The following MSH4 variants were observed in gnomAD, a reference collection of about 807,000 sequenced individuals.
The protein encoded by MSH4 is mutS homolog 4.
In MSH4, 106 loss-of-function variants were observed where a neutral mutation model predicts 113.7. The observed-to-expected ratio is 0.93, with a 90% CI of 0.80 to 1.10. The LOEUF is 1.10. Among genes scored for constraint, MSH4 ranks in the 50% least tolerant of loss-of-function variants. The pLI, the probability that MSH4 is intolerant of heterozygous loss-of-function variation, is 0.00. For missense variants in MSH4, 1,061 were observed against 1,093.7 expected (o/e 0.97, Z 0.42); for synonymous variants, 368 against 380.2 (o/e 0.97, Z 0.37).
At chr1:75,887,970 G>T (rs1325268127) in intron 15 of MSH4, among the ~76,000 whole-genome samples, 6 of 150,900 alleles carry the variant, frequency 4.0e-5, no homozygotes, top group Non-Finnish European at 8.8e-5. Context: ...GAGTAGAATG[G>T]GGGAGATACA....
chr1:75,832,316 C>T (rs1650715614), intron 7 of MSH4, among the ~76,000 whole-genome samples: 1 of 152,150 alleles, frequency 6.6e-6, no homozygotes, highest in Non-Finnish European at 1.5e-5. Context: ...CCAAAAAAGT[C>T]CAGGACCATA....
intron 2 of MSH4, among the ~76,000 whole-genome samples, chr1:75,805,399 G>T (rs569657244): frequency 0.027 from 1,987 of 72,828 alleles, 12 homozygotes; most frequent in Non-Finnish European, 0.038. Flanking sequence ...TTTTTTTTTT[G>T]GTTTTTGAGA....
intron 7 of MSH4, among the ~76,000 whole-genome samples, chr1:75,845,118 C>T (rs1448785470): frequency 2.0e-5 from 3 of 152,260 alleles, no homozygotes; most frequent in Admixed American, 6.5e-5. Flanking sequence ...GGTCCCACCT[C>T]TCAACAAGGT....
chr1:75,854,011 G>GTATATATATATATATATA (rs72458089), intron 8 of MSH4, among the ~76,000 whole-genome samples: 1,739 of 111,956 alleles, frequency 0.016, 77 homozygotes, highest in African/African-American at 0.037. Context: ...AAGTGTGTGT[G>GTATATATATATATATATA]TGTATATATA....
rs545804236 is a variant in MSH4 at position 75,832,854 on chromosome 1, C to T, written c.1162+10273C>T. Among the ~76,000 whole-genome samples the T allele has an allele frequency of 2.0e-5, 3 of 152,254 alleles. No individual in the cohort carries two copies. The South Asian group carries it at 6.2e-4, about 32-fold the overall frequency. On this transcript the variant is annotated intron_variant, in intron 7 of 19. Transcript: ENST00000263187. ...ATACTGAATGGGCAAAAACTGGAAG[C>T]ATTCCCTTGAAACCTGGCACAAGAC...
In MSH4 at chr1:75,803,893, C is replaced by A; in HGVS notation, c.407C>A (p.Thr136Lys). 1.9e-6 allele frequency: 3 copies of A among 1,549,946 alleles called. No individual in the cohort carries two copies. Among genetic ancestry groups the A allele is most frequent in the Admixed American group, 2.0e-5 (1 of 48,782 alleles). The change falls in exon 2 of 20, where the codon ACA becomes AAA. Residue 136 changes from threonine (T) to lysine (K), a missense_variant. Physicochemically the swap from Thr to Lys is moderately conservative, Grantham distance 78 (BLOSUM62 -1). Transcript: ENST00000263187. ...NPQRSGYKSW[T>K]PQVGYSASSS... is the part of the protein sequence containing the mutation. ...CAGAGATCAGGTTATAAGAGCTGGA[C>A]ACCACAAGTGGGATATTCAGGTAAA... is the stretch of plus-strand genomic sequence containing the variant.
At chr1:75,872,620 G>C (rs1032915941) in intron 9 of MSH4, among the ~76,000 whole-genome samples, 2 of 152,060 alleles carry the variant, frequency 1.3e-5, no homozygotes, top group East Asian at 1.9e-4. Flanking sequence ...AAAAAAGAAA[G>C]AAAGAATGGA....
intron 9 of MSH4, among the ~76,000 whole-genome samples, chr1:75,875,397 A>G (rs776387305): frequency 1.3e-4 from 20 of 152,216 alleles, no homozygotes; most frequent in Non-Finnish European, 2.4e-4. Context: ...TGTTAAGCAA[A>G]ATAAAATTCC....
intron 7 of MSH4, among the ~76,000 whole-genome samples, chr1:75,845,613 G>T (rs955523763): frequency 2.0e-5 from 3 of 152,154 alleles, no homozygotes; most frequent in Non-Finnish European, 4.4e-5. Context: ...CAGCGTCAGG[G>T]CTTAGTCCAC....
chr1:75,876,332 G>A (rs961649255), intron 9 of MSH4, among the ~76,000 whole-genome samples: 1 of 151,900 alleles, frequency 6.6e-6, no homozygotes, highest in Admixed American at 6.6e-5. Flanking sequence ...GAATTTTTTA[G>A]TTTTTATCTG....
At chr1:75,798,866 C>T (rs540706324) in intron 1 of MSH4, among the ~76,000 whole-genome samples, 1 of 152,226 alleles carries the variant, frequency 6.6e-6, no homozygotes, top group African/African-American at 2.4e-5. Flanking sequence ...CCCTCAAACT[C>T]TTAAGTGTTC....
At chr1:75,807,212 C>A (rs1231303818) in intron 3 of MSH4, 71 bp downstream of exon 3, 2 of 1,250,100 alleles carry the variant, frequency 1.6e-6, no homozygotes, top group East Asian at 2.8e-5. Flanking sequence ...CAGTGCCTTC[C>A]CAATTTGTTT....
chr1:75,804,499 C>CTTTTTTTTTTTT (rs5775308), intron 2 of MSH4, among the ~76,000 whole-genome samples: 3 of 123,292 alleles, frequency 2.4e-5, no homozygotes, highest in Non-Finnish European at 3.4e-5. Flanking sequence ...TATGACCTTC[C>CTTTTTTTTTTTT]TTTTTTTTTT....
At chr1:75,854,007 G>GTATA (rs150197709) in intron 8 of MSH4, among the ~76,000 whole-genome samples, 1,958 of 50,402 alleles carry the variant, frequency 0.039, 42 homozygotes, top group Non-Finnish European at 0.074. Context: ...GCATAAGTGT[G>GTATA]TGTGTGTATA....
chr1:75,843,235 A>G (rs1306115841), intron 7 of MSH4, among the ~76,000 whole-genome samples: 1 of 152,160 alleles, frequency 6.6e-6, no homozygotes, highest in Non-Finnish European at 1.5e-5. Flanking sequence ...GCAGCCAGAC[A>G]TTCGGGGCCA....
At chr1:75,805,621 A>G (rs766031096) in intron 2 of MSH4, among the ~76,000 whole-genome samples, 3 of 151,874 alleles carry the variant, frequency 2.0e-5, no homozygotes, top group Non-Finnish European at 2.9e-5. Context: ...TCCTGGCCAC[A>G]AGTGATCCTC....
At chr1:75,876,221 T>A (rs1454151232) in intron 9 of MSH4, among the ~76,000 whole-genome samples, 3 of 152,136 alleles carry the variant, frequency 2.0e-5, no homozygotes, top group South Asian at 2.1e-4. Context: ...GAGCACACAA[T>A]GATATAAAAT....
Position 75,815,063 on chromosome 1 carries a change from A to G in MSH4, c.742A>G (p.Thr248Ala). 10 of 1,606,068 alleles carry G rather than the reference A, an allele frequency of 6.2e-6. No homozygotes were observed. The highest frequency in any genetic ancestry group is 8.5e-6 in the Non-Finnish European group (10 of 1,175,616). Residue 248 changes from threonine (T) to alanine (A), a missense_variant, in exon 5 of 20, where the codon ACA becomes GCA. Transcript: ENST00000263187. ...TTIQRKYFNE[T>A]KGLEYIEQLC... ...TATCCAAAGGAAATACTTCAATGAA[A>G]CAAAAGGATTAGAGTACATTGAACA...
In MSH4 at chr1:75,881,351, C is replaced by T. The variant is rs367734850; in HGVS notation, c.1887C>T (p.Ala629=). The part of the protein sequence containing the change: ...MLDMLLSFAH[A]CTLSDYVRPE... ...ATATGCTACTGTCATTTGCTCATGC[C>T]TGCACTCTTTCTGACTATGGTAAGT... The change falls in exon 14 of 20, where the codon GCC becomes GCT. Residue 629 remains alanine (A), a synonymous_variant. Transcript: ENST00000263187. The T allele has an allele frequency of 2.5e-6, 4 of 1,611,710 alleles. No homozygotes were observed. Among genetic ancestry groups the T allele is most frequent in the African/African-American group, 2.7e-5 (2 of 74,944 alleles).
Sources: gnomAD v4.1 joint callset for allele counts (sites outside exome capture counted in the v4.1 genomes callset) on GRCh38, gnomAD v4.1.1 for gene constraint, MANE v1.5 for transcripts, NCBI Gene and HGNC (gene_info 2026-07-23, HGNC 2026-07-21) for gene names.